CADPS: variants seen among roughly 807,000 people sequenced by gnomAD.
The protein encoded by CADPS is calcium-dependent secretion activator 1.
In CADPS, 57 loss-of-function variants were observed where a neutral mutation model predicts 167.3. The observed-to-expected ratio is 0.34, with a 90% CI of 0.28 to 0.42. The LOEUF is 0.42. Among genes scored for constraint, CADPS ranks in the 20% least tolerant of loss-of-function variants. CADPS has a pLI of 1.00. For missense variants in CADPS, 1,414 were observed against 1,738.1 expected (o/e 0.81, Z 3.32); for synonymous variants, 676 against 635.3 (o/e 1.06, Z -0.96).
chr3:62,603,900 C>G (rs1015307826), intron 6 of CADPS, among the ~76,000 whole-genome samples: 12 of 151,918 alleles, frequency 7.9e-5, no homozygotes, highest in African/African-American at 2.4e-4. Flanking sequence ...GATCTCGGCT[C>G]ACTGCAAGCT....
At chr3:62,618,470 A>G (rs1462308855) in intron 6 of CADPS, among the ~76,000 whole-genome samples, 1 of 152,172 alleles carries the variant, frequency 6.6e-6, no homozygotes, top group Non-Finnish European at 1.5e-5. Flanking sequence ...TACCCATGTA[A>G]CAAATCTGCA....
intron 3 of CADPS, among the ~76,000 whole-genome samples, chr3:62,734,842 C>G (rs1001895142): frequency 1.3e-5 from 2 of 152,076 alleles, no homozygotes; most frequent in African/African-American, 4.8e-5. Flanking sequence ...TGAGCTTTAT[C>G]CTCCCCATAG....
chr3:62,739,776 G>A (rs1380348872), intron 3 of CADPS, among the ~76,000 whole-genome samples: 1 of 152,178 alleles, frequency 6.6e-6, no homozygotes, highest in East Asian at 1.9e-4. Flanking sequence ...CACCAGTATA[G>A]TTTAGAAAAG....
intron 6 of CADPS, among the ~76,000 whole-genome samples, chr3:62,596,326 G>A (rs1328385702): frequency 6.6e-6 from 1 of 151,712 alleles, no homozygotes. Context: ...CTCCCAAGTA[G>A]CTGGGATTAC....
intron 1 of CADPS, among the ~76,000 whole-genome samples, chr3:62,845,159 G>C (rs1354588315): frequency 3.3e-5 from 5 of 152,132 alleles, no homozygotes; most frequent in Non-Finnish European, 5.9e-5. Flanking sequence ...ATCTCAGAAG[G>C]ACATATCTGT....
chr3:62,580,631 G>A (rs1242222262), intron 8 of CADPS, among the ~76,000 whole-genome samples: 2 of 151,018 alleles, frequency 1.3e-5, no homozygotes, highest in African/African-American at 2.4e-5. Flanking sequence ...AAAAACCACT[G>A]ACTGTATATG....
intron 9 of CADPS, among the ~76,000 whole-genome samples, chr3:62,562,620 C>A (rs1324063619): frequency 1.3e-5 from 2 of 152,180 alleles, no homozygotes; most frequent in Non-Finnish European, 2.9e-5. Flanking sequence ...TAGATATAAG[C>A]CACTGCACCT....
At position 62,455,413 on chromosome 3, in the gene CADPS, C is replaced by T. The variant is rs1385289498; in HGVS notation, c.3637-9616G>A. On this transcript the variant is annotated intron_variant, in intron 26 of 29. Transcript: ENST00000383710. This position sits in a 1 kb window ranked among gnomAD's most constrained non-coding sequence, Gnocchi z 4.4. ...GCTTACAGATGAGGAAACTGAGGCT[C>T]AGAGAGGTTAATCGACTTTTGAAAA... Among the ~76,000 whole-genome samples the T allele has an allele frequency of 1.3e-5, 2 of 152,130 alleles. No individual in the cohort carries two copies. Among genetic ancestry groups the T allele is most frequent in the African/African-American group, 4.8e-5 (2 of 41,432 alleles).
rs556391847 is a variant in CADPS, at chr3:62,446,836, G to C, written c.3637-1039C>G. Among the ~76,000 whole-genome samples the C allele has an allele frequency of 3.9e-5, 6 of 152,276 alleles. No individual in the cohort carries two copies. The highest frequency in any genetic ancestry group is 1.4e-4 in the African/African-American group (6 of 41,558). On this transcript the variant is annotated intron_variant, in intron 26 of 29. Transcript: ENST00000383710. The surrounding 1 kb of genome is among the most constrained non-coding windows in gnomAD (Gnocchi z 4.9). Reference sequence around the variant, plus strand: ...AATTAAGACTAAGGAGCTACATTTGGGGTCAGAGAGGGTTTCCTGTTTTTA... The same window carrying C: ...AATTAAGACTAAGGAGCTACATTTGCGGTCAGAGAGGGTTTCCTGTTTTTA...
intron 21 of CADPS, among the ~76,000 whole-genome samples, chr3:62,489,215 C>CA (rs1178662857): frequency 1.3e-5 from 2 of 151,904 alleles, no homozygotes; most frequent in African/African-American, 4.8e-5. Context: ...GGCTGGAGTG[C>CA]AGTGGAGCGA....
At chr3:62,415,759 G>A (rs1011209731) in intron 28 of CADPS, among the ~76,000 whole-genome samples, 1 of 152,158 alleles carries the variant, frequency 6.6e-6, no homozygotes, top group South Asian at 2.1e-4. Flanking sequence ...TTCCCCGCTG[G>A]GCCTCAGCTG....
chr3:62,419,220 A>G (rs1474631039), intron 28 of CADPS, among the ~76,000 whole-genome samples: 1 of 152,180 alleles, frequency 6.6e-6, no homozygotes, highest in Non-Finnish European at 1.5e-5. Context: ...AGCCCCAATC[A>G]GCTTCTAACC....
intron 6 of CADPS, among the ~76,000 whole-genome samples, chr3:62,639,240 A>G (rs1440865965): frequency 1.3e-5 from 2 of 152,222 alleles, no homozygotes. Context: ...TTTACCATTT[A>G]TGATTTAATT....
intron 14 of CADPS, among the ~76,000 whole-genome samples, chr3:62,517,839 T>G (rs1385335033): frequency 2.0e-5 from 3 of 152,174 alleles, no homozygotes; most frequent in African/African-American, 2.4e-5. Flanking sequence ...TCACAAGATT[T>G]TTTATTTATT....
intron 3 of CADPS, among the ~76,000 whole-genome samples, chr3:62,720,961 GT>G (rs1352022373): frequency 6.6e-6 from 1 of 151,418 alleles, no homozygotes; most frequent in African/African-American, 2.4e-5. Flanking sequence ...GGGACTACAG[GT>G]GTCCACCACC....
At chr3:62,406,064 A>C (rs1303462140) in intron 28 of CADPS, among the ~76,000 whole-genome samples, 1 of 152,238 alleles carries the variant, frequency 6.6e-6, no homozygotes, top group African/African-American at 2.4e-5. Flanking sequence ...CAAGATAGCC[A>C]CAGCATTGAA....
chr3:62,726,071 C>G (rs1319207982), intron 3 of CADPS, among the ~76,000 whole-genome samples: 1 of 151,518 alleles, frequency 6.6e-6, no homozygotes, highest in Non-Finnish European at 1.5e-5. Context: ...CTACTCTGAC[C>G]AAAGGCAGAG....
intron 1 of CADPS, among the ~76,000 whole-genome samples, chr3:62,844,629 T>C (rs1189935218): frequency 6.6e-6 from 1 of 152,176 alleles, no homozygotes; most frequent in Non-Finnish European, 1.5e-5. Context: ...TCGGGGTCTA[T>C]AGTTATCATG....
Position 62,438,087 on chromosome 3 carries a change from A to G in CADPS, c.3777+17T>C, listed in dbSNP as rs1344251636. 7 of 1,543,770 alleles carry G rather than the reference A, an allele frequency of 4.5e-6. No individual in the cohort carries two copies. The highest frequency in any genetic ancestry group is 1.4e-5 in the African/African-American group (1 of 73,580). On this transcript the variant is annotated intron_variant, in intron 28 of 29. Coordinates refer to ENST00000383710, the MANE Select transcript of CADPS (RefSeq NM_003716.4). The surrounding 1 kb of genome is among the most constrained non-coding windows in gnomAD (Gnocchi z 4.7). Reference sequence around the variant, plus strand: ...GTCTCCTCCTTGGTTTTCAAGGAGGAGAAGGCATTTACTTACATCAAATAA... The same window carrying G: ...GTCTCCTCCTTGGTTTTCAAGGAGGGGAAGGCATTTACTTACATCAAATAA...
Sources: gnomAD v4.1 joint callset for allele counts (sites outside exome capture counted in the v4.1 genomes callset) on GRCh38, gnomAD v4.1.1 for gene constraint, Gnocchi (gnomAD v3.1) non-coding constraint, MANE v1.5 for transcripts, NCBI Gene and HGNC (gene_info 2026-07-23, HGNC 2026-07-21) for gene names.